The following PRKCE variants were observed in gnomAD, a reference collection of about 807,000 sequenced individuals.
PRKCE encodes the protein protein kinase C epsilon type.
In PRKCE, 16 loss-of-function variants were observed where a neutral mutation model predicts 85.4. The ratio of observed to expected loss-of-function variants is 0.19; its 90% CI spans 0.13 to 0.28. The LOEUF (loss-of-function observed/expected upper bound fraction) is 0.28, where lower values mean the gene tolerates loss of function less well. PRKCE is among the 10% of genes least tolerant of loss of function. PRKCE has a pLI of 1.00. For synonymous variants in PRKCE, 388 were observed against 371.5 expected (o/e 1.04, Z -0.51); for missense variants, 573 against 975.2 (o/e 0.59, Z 5.49).
chr2:45,884,991 A>ATTT lies in PRKCE; in HGVS notation c.412+41929_412+41930insTTT, dbSNP rs1323692604. ...TATATATATATATATATATATATAT[A>ATTT]TATATATATATTTGTTGTTGTTGTT... On this transcript the variant is annotated intron_variant, in intron 2 of 14. Coordinates refer to ENST00000306156, the MANE Select transcript of PRKCE (RefSeq NM_005400.3). 1.9e-4 allele frequency among the ~76,000 whole-genome samples: 11 copies of ATTT among 57,758 alleles called. 1 individual carries two copies. The East Asian group carries it at 0.011, about 58-fold the overall frequency. 37.9% of individuals were successfully genotyped at this position (57,758 alleles called of 152,430 possible). A position where few individuals can be genotyped will look rare whatever the true frequency, so the allele number is the denominator to read the frequency against.
intron 2 of PRKCE, among the ~76,000 whole-genome samples, chr2:45,891,169 G>T (rs868137930): frequency 6.6e-6 from 1 of 152,166 alleles, no homozygotes. Flanking sequence ...AGATTTACCC[G>T]ACACACACTG....
rs1408859998 is a variant in PRKCE at position 45,907,718 on chromosome 2, C to T, written c.412+64655C>T. On this transcript the variant is annotated intron_variant, in intron 2 of 14. Transcript: ENST00000306156. The surrounding 1 kb of genome is among the most constrained non-coding windows in gnomAD (Gnocchi z 4.5). ...CAAGGCCAAGTGGAGCACAGCACCA[C>T]TGCGCAGCTGTAGTACCTGAGGGCG... Among the ~76,000 whole-genome samples, 1 of 152,224 alleles carries T rather than the reference C, an allele frequency of 6.6e-6. No homozygotes were observed. The highest frequency in any genetic ancestry group is 1.5e-5 in the Non-Finnish European group (1 of 68,038).
At position 45,744,457 on chromosome 2, in the gene PRKCE, CTT is replaced by C. The variant is rs1369918001; in HGVS notation, c.348+92011_348+92012del. ...TCTTTCTTTCTTTCTTTCTTTCTTT[CTT>C]TCTTTCTTTCTTTCTTTCTTTCTTT... On this transcript the variant is annotated intron_variant, in intron 1 of 14. Coordinates refer to ENST00000306156, the MANE Select transcript of PRKCE (RefSeq NM_005400.3). 2.9e-4 allele frequency among the ~76,000 whole-genome samples: 17 copies of C among 57,948 alleles called. No homozygotes were observed. The South Asian group carries it at 7.3e-3, about 25-fold the overall frequency. 38.0% of individuals were successfully genotyped at this position (57,948 alleles called of 152,430 possible). A position where few individuals can be genotyped will look rare whatever the true frequency, so the allele number is the denominator to read the frequency against.
At chr2:46,142,373 G>T (rs187475713) in intron 11 of PRKCE, among the ~76,000 whole-genome samples, 1 of 152,122 alleles carries the variant, frequency 6.6e-6, no homozygotes, top group African/African-American at 2.4e-5. Flanking sequence ...TCTGGCTCCC[G>T]GAAGTCTTTG....
chr2:46,101,052 T>C (rs1377498647), intron 11 of PRKCE, among the ~76,000 whole-genome samples: 2 of 152,138 alleles, frequency 1.3e-5, no homozygotes, highest in African/African-American at 4.8e-5. Context: ...GGATTTTTAG[T>C]AGAAATGGGG....
At chr2:45,967,415 G>T (rs1367386437) in intron 2 of PRKCE, among the ~76,000 whole-genome samples, 2 of 152,252 alleles carry the variant, frequency 1.3e-5, no homozygotes, top group East Asian at 1.9e-4. Flanking sequence ...GGTCCTGGAG[G>T]CCTACCTACC....
At chr2:46,072,299 G>A (rs189287736) in intron 10 of PRKCE, among the ~76,000 whole-genome samples, 2 of 152,286 alleles carry the variant, frequency 1.3e-5, no homozygotes, top group African/African-American at 4.8e-5. Context: ...GTATGTTTAC[G>A]TTAGTGTATT....
At chr2:45,716,580 GAAGA>G (rs1336331100) in intron 1 of PRKCE, among the ~76,000 whole-genome samples, 1 of 149,158 alleles carries the variant, frequency 6.7e-6, no homozygotes, top group Non-Finnish European at 1.5e-5. Flanking sequence ...AGGAAGAAAG[GAAGA>G]AAGGAAGGAA....
Position 46,112,432 on chromosome 2 carries a change from G to T in PRKCE, c.1592+26070G>T, listed in dbSNP as rs578110971. 2.0e-5 allele frequency among the ~76,000 whole-genome samples: 3 copies of T among 151,676 alleles called. No homozygotes were observed. In the South Asian group the frequency reaches 6.2e-4, roughly 32 times the overall value. On this transcript the variant is annotated intron_variant, in intron 11 of 14. Transcript: ENST00000306156. ...TGTATTTAGACCATTCACATTTAAA[G>T]TGATTATTGATATAGTTGGGTTAAT...
At chr2:45,971,947 T>G (rs1052311743) in intron 2 of PRKCE, among the ~76,000 whole-genome samples, 34 of 152,344 alleles carry the variant, frequency 2.2e-4, no homozygotes, top group Non-Finnish European at 3.2e-4. Context: ...TGAGGACTCT[T>G]CAGGGTCCTT....
Position 45,731,926 on chromosome 2 carries a change from C to G in PRKCE, c.348+79478C>G, listed in dbSNP as rs1375931055. On this transcript the variant is annotated intron_variant, in intron 1 of 14. Coordinates refer to ENST00000306156, the MANE Select transcript of PRKCE (RefSeq NM_005400.3). The stretch of plus-strand genomic sequence containing the variant: ...GGCCAATTCCTGGAGCTTTTTACTG[C>G]TACAGACTGCCATGTGATTCAAATT... 2.0e-5 allele frequency among the ~76,000 whole-genome samples: 3 copies of G among 152,148 alleles called. No homozygotes were observed. The East Asian group carries it at 5.8e-4, about 29-fold the overall frequency.
chr2:45,839,356 G>A (rs543277703), intron 1 of PRKCE, among the ~76,000 whole-genome samples: 13 of 145,132 alleles, frequency 9.0e-5, no homozygotes, highest in African/African-American at 2.2e-4. Context: ...CTTCTGGCCC[G>A]TGCTGGAGGG....
intron 2 of PRKCE, among the ~76,000 whole-genome samples, chr2:45,956,060 G>A (rs1700955683): frequency 6.6e-6 from 1 of 152,184 alleles, no homozygotes; most frequent in Non-Finnish European, 1.5e-5. Flanking sequence ...GAATCGTACA[G>A]TATATGTGTA....
At chr2:45,715,135 CT>C (rs1262005972) in intron 1 of PRKCE, among the ~76,000 whole-genome samples, 6 of 152,256 alleles carry the variant, frequency 3.9e-5, no homozygotes, top group Admixed American at 6.5e-5. Context: ...CATTCACTCA[CT>C]TACCAAATAT....
intron 11 of PRKCE, among the ~76,000 whole-genome samples, chr2:46,108,210 C>T (rs567770041): frequency 6.6e-6 from 1 of 152,146 alleles, no homozygotes; most frequent in African/African-American, 2.4e-5. Flanking sequence ...CATGCCTGGC[C>T]TTATTTTTGA....
chr2:46,174,732 A>G (rs545715071), intron 14 of PRKCE, among the ~76,000 whole-genome samples: 1 of 152,292 alleles, frequency 6.6e-6, no homozygotes, highest in East Asian at 1.9e-4. Context: ...ACTGTCACCC[A>G]GGCTGGAGGG....
intron 10 of PRKCE, among the ~76,000 whole-genome samples, chr2:46,012,594 A>C (rs993160716): frequency 3.3e-5 from 5 of 151,996 alleles, no homozygotes; most frequent in African/African-American, 1.2e-4. Flanking sequence ...GCAGGGAGCC[A>C]CTCTGGCAAG....
At chr2:46,053,319 TC>T (rs993300585) in intron 10 of PRKCE, among the ~76,000 whole-genome samples, 3 of 152,090 alleles carry the variant, frequency 2.0e-5, no homozygotes, top group South Asian at 2.1e-4. Context: ...AAAAAGTTAC[TC>T]CCCCCCGATT....
At chr2:45,856,341 G>A (rs919043942) in intron 2 of PRKCE, among the ~76,000 whole-genome samples, 6 of 151,870 alleles carry the variant, frequency 4.0e-5, no homozygotes, top group African/African-American at 9.7e-5. Context: ...AGTAATTCTC[G>A]TGCCTCAGCC....
Sources: gnomAD v4.1 joint callset for allele counts (sites outside exome capture counted in the v4.1 genomes callset) on GRCh38, gnomAD v4.1.1 for gene constraint, Gnocchi (gnomAD v3.1) non-coding constraint, MANE v1.5 for transcripts, NCBI Gene and HGNC (gene_info 2026-07-23, HGNC 2026-07-21) for gene names.